The following MAP3K13 variants were observed in gnomAD, a reference collection of about 807,000 sequenced individuals.
MAP3K13 encodes the protein mitogen-activated protein kinase kinase kinase 13, also known as leucine zipper-bearing kinase.
Under a neutral mutation model 104.0 loss-of-function variants are expected in MAP3K13, and 52 were observed. The ratio of observed to expected loss-of-function variants is 0.50; its 90% confidence interval spans 0.40 to 0.63. The LOEUF (loss-of-function observed/expected upper bound fraction) is 0.63, where lower values mean the gene tolerates loss of function less well. MAP3K13 is among the 20% of genes least tolerant of loss of function. MAP3K13 has a pLI of 0.00. For missense variants in MAP3K13, 914 were observed against 1,218.5 expected, an observed-to-expected ratio of 0.75 and a Z score of 3.72; for synonymous variants, 394 against 442.2, an observed-to-expected ratio of 0.89 and a Z score of 1.37.
At chr3:185,425,641 T>G (rs1714367658) in intron 1 of MAP3K13, among the ~76,000 whole-genome samples, 1 of 152,216 alleles carries the variant, frequency 6.6e-6, no homozygotes, top group South Asian at 2.1e-4. Context: ...GGCTCTCTGT[T>G]GTCATGAGGA....
At chr3:185,331,236 G>A (rs980842089) in intron 2 of MAP3K13, among the ~76,000 whole-genome samples, 1 of 151,418 alleles carries the variant, frequency 6.6e-6, no homozygotes, top group Non-Finnish European at 1.5e-5. Flanking sequence ...TGGGATTACA[G>A]ACATGCGCCA....
chr3:185,448,788 T>A (rs1715729732), intron 5 of MAP3K13, among the ~76,000 whole-genome samples: 1 of 152,216 alleles, frequency 6.6e-6, no homozygotes, highest in Admixed American at 6.5e-5. Context: ...AAAAACGGTA[T>A]CTTGGGTGCA....
At chr3:185,439,293 T>TA (rs923002523) in intron 3 of MAP3K13, among the ~76,000 whole-genome samples, 3 of 152,132 alleles carry the variant, frequency 2.0e-5, no homozygotes, top group Admixed American at 6.5e-5. Flanking sequence ...TTGCTGCAGT[T>TA]AATTCTATCC....
chr3:185,394,356 G>A (rs1374146115), intron 1 of MAP3K13, among the ~76,000 whole-genome samples: 2 of 152,166 alleles, frequency 1.3e-5, no homozygotes, highest in African/African-American at 4.8e-5. Context: ...GTAAAAGAAT[G>A]ATGTTGATTA....
intron 12 of MAP3K13, among the ~76,000 whole-genome samples, chr3:185,478,432 T>A (rs996587841): frequency 4.6e-5 from 7 of 152,136 alleles, no homozygotes; most frequent in African/African-American, 1.7e-4. Context: ...ATATCCTGGA[T>A]CCCTGCATTA....
intron 1 of MAP3K13, among the ~76,000 whole-genome samples, chr3:185,422,690 GTGTT>G (rs748791043): frequency 6.6e-6 from 1 of 152,206 alleles, no homozygotes; most frequent in Non-Finnish European, 1.5e-5. Flanking sequence ...ACACAAGTAA[GTGTT>G]TGGCTGAAAT....
chr3:185,443,311 A>G (rs1715423755), intron 3 of MAP3K13, 134 bp from the exon 4 acceptor site: 1 of 602,586 alleles, frequency 1.7e-6, no homozygotes, highest in African/African-American at 1.8e-5. Context: ...CTAATTTGAG[A>G]ATCAGGAACT....
At chr3:185,313,849 G>A (rs1577415592) in intron 2 of MAP3K13, among the ~76,000 whole-genome samples, 1 of 152,070 alleles carries the variant, frequency 6.6e-6, no homozygotes, top group South Asian at 2.1e-4. Context: ...TGTCTCTCAC[G>A]GCCTCTGCAC....
intron 1 of MAP3K13, among the ~76,000 whole-genome samples, chr3:185,372,990 G>A (rs1308199147): frequency 6.6e-6 from 1 of 152,146 alleles, no homozygotes; most frequent in Non-Finnish European, 1.5e-5. Context: ...TGATCTACCT[G>A]AAATACATAG....
rs1405181423 is a variant in MAP3K13 at position 185,487,179 on chromosome 3, G to T, written c.*4723G>T. The T allele has an allele frequency of 6.6e-6, 1 of 151,514 alleles. No homozygotes were observed. The highest frequency in any genetic ancestry group is 1.5e-5 in the Non-Finnish European group (1 of 67,910). 9.4% of individuals were successfully genotyped at this position (151,514 alleles called of 1,614,324 possible). On this transcript the variant is annotated 3_prime_UTR_variant, in exon 14 of 14. Transcript: ENST00000265026. ...CAACCCAGACTTTTTTTGGGGGGGGGTGAGGGCGCAGGATCTCACTCTGTC... is the reference window on the plus strand; with the variant it reads ...CAACCCAGACTTTTTTTGGGGGGGGTTGAGGGCGCAGGATCTCACTCTGTC...
At chr3:185,480,598 G>A in intron 13 of MAP3K13, 69 bp downstream of exon 13, 1 of 1,485,072 alleles carries the variant, frequency 6.7e-7, no homozygotes, top group Admixed American at 2.2e-5. Context: ...AGTCTCTAGG[G>A]CCTTTACAAT....
intron 2 of MAP3K13, among the ~76,000 whole-genome samples, chr3:185,355,419 A>T (rs1433362079): frequency 1.3e-5 from 2 of 151,434 alleles, no homozygotes; most frequent in African/African-American, 2.4e-5. Context: ...GTGAGCCAAG[A>T]TCGTGCCACT....
In MAP3K13 at chr3:185,476,098, C is replaced by A. The variant is rs57070032; in HGVS notation, c.2431-1228C>A. ...CACTTTTATCACCCCAGAAAGAAACCCCACACCCTTTAGCAGTCACCACAT... is the reference window on the plus strand; with the variant it reads ...CACTTTTATCACCCCAGAAAGAAACACCACACCCTTTAGCAGTCACCACAT... On this transcript the variant is annotated intron_variant, in intron 11 of 13. Transcript: ENST00000265026. 3.9e-4 allele frequency among the ~76,000 whole-genome samples: 59 copies of A among 151,936 alleles called. 2 individuals carry two copies. The South Asian group carries it at 0.012, about 30-fold the overall frequency.
chr3:185,450,100 T>C lies in MAP3K13; in HGVS notation c.1169+42T>C. On this transcript the variant is annotated intron_variant, in intron 6 of 13. Coordinates refer to ENST00000265026, the MANE Select transcript of MAP3K13 (RefSeq NM_004721.5). The surrounding 1 kb of genome is among the most constrained non-coding windows in gnomAD (Gnocchi z 4.2). ...TAAAACAATAGGGAGGTCTCTAATGTGTATTTGGAGTAAATATCCTGGTGG... is the reference window on the plus strand; with the variant it reads ...TAAAACAATAGGGAGGTCTCTAATGCGTATTTGGAGTAAATATCCTGGTGG... 6.6e-7 allele frequency: 1 copy of C among 1,522,604 alleles called. No individual in the cohort carries two copies. The highest frequency in any genetic ancestry group is 8.8e-7 in the Non-Finnish European group (1 of 1,132,616). 94.3% of individuals were successfully genotyped at this position (1,522,604 alleles called of 1,614,324 possible).
At chr3:185,326,133 T>A (rs1305088213) in intron 2 of MAP3K13, among the ~76,000 whole-genome samples, 1 of 152,114 alleles carries the variant, frequency 6.6e-6, no homozygotes, top group Non-Finnish European at 1.5e-5. Context: ...AATTTCCTGG[T>A]TTGTCTATTC....
At position 185,401,419 on chromosome 3, in the gene MAP3K13, G is replaced by T. The variant is rs183317782; in HGVS notation, c.-85-27078G>T. Among the ~76,000 whole-genome samples, 36 of 152,256 alleles carry T rather than the reference G, an allele frequency of 2.4e-4. No homozygotes were observed. In the East Asian group the frequency reaches 6.0e-3, roughly 25 times the overall value. ...GCTGGGACAGGTCCCCTCCCTGTCTGGGCTCAGGGCTGCCCTTGTCTTCAG... is the reference window on the plus strand; with the variant it reads ...GCTGGGACAGGTCCCCTCCCTGTCTTGGCTCAGGGCTGCCCTTGTCTTCAG... On this transcript the variant is annotated intron_variant, in intron 1 of 13. Coordinates refer to ENST00000265026, the MANE Select transcript of MAP3K13 (RefSeq NM_004721.5).
chr3:185,445,983 T>C (rs1393800637), intron 4 of MAP3K13, among the ~76,000 whole-genome samples: 3 of 152,194 alleles, frequency 2.0e-5, no homozygotes, highest in African/African-American at 7.2e-5. Flanking sequence ...TTTTAATCCT[T>C]ATGCATTTTC....
intron 1 of MAP3K13, among the ~76,000 whole-genome samples, chr3:185,396,647 T>C (rs1336852737): frequency 6.6e-6 from 1 of 152,186 alleles, no homozygotes; most frequent in African/African-American, 2.4e-5. Context: ...GTGATTACTG[T>C]TATTTGCTGC....
chr3:185,380,527 A>T (rs1724665712), intron 1 of MAP3K13, among the ~76,000 whole-genome samples: 1 of 151,534 alleles, frequency 6.6e-6, no homozygotes. Flanking sequence ...AAAAAAAAAA[A>T]AGTGCTCATT....
Sources: gnomAD v4.1 joint callset for allele counts (sites outside exome capture counted in the v4.1 genomes callset) on GRCh38, gnomAD v4.1.1 for gene constraint, Gnocchi (gnomAD v3.1) non-coding constraint, MANE v1.5 for transcripts, NCBI Gene and HGNC (gene_info 2026-07-23, HGNC 2026-07-21) for gene names.